HYCC1: variants seen among roughly 807,000 people sequenced by gnomAD.
The protein encoded by HYCC1 is hyccin.
At chr7:22,916,435 C>T in the HYCC1 span, among the ~76,000 whole-genome samples, 1 of 152,192 alleles carries the variant, frequency 6.6e-6, no homozygotes, top group South Asian at 2.1e-4. Flanking sequence ...GCTGCTCCCA[C>T]AATAGCTCTC....
the HYCC1 span, among the ~76,000 whole-genome samples, chr7:22,959,764 C>A: frequency 0.019 from 2,886 of 152,104 alleles, 87 homozygotes; most frequent in African/African-American, 0.065. Flanking sequence ...TACACAGAAT[C>A]TTGAAAGAAA....
chr7:23,008,933 C>G, the HYCC1 span, among the ~76,000 whole-genome samples: 1 of 151,890 alleles, frequency 6.6e-6, no homozygotes, highest in Non-Finnish European at 1.5e-5. Context: ...AATGCAAGCC[C>G]TTTCTAAGTA....
At chr7:22,996,959 T>C in the HYCC1 span, among the ~76,000 whole-genome samples, 1 of 152,212 alleles carries the variant, frequency 6.6e-6, no homozygotes, top group African/African-American at 2.4e-5. Flanking sequence ...AAAATACATG[T>C]TTCCTGCTGT....
chr7:22,983,916 T>C, the HYCC1 span: 6 of 1,273,662 alleles, frequency 4.7e-6, no homozygotes, highest in Non-Finnish European at 6.9e-6. Context: ...TCAATACTGT[T>C]AGCACAATAA....
chr7:22,912,173 A>G, the HYCC1 span, among the ~76,000 whole-genome samples: 29 of 152,364 alleles, frequency 1.9e-4, no homozygotes, highest in Non-Finnish European at 3.8e-4. Flanking sequence ...TCTCCAAAGC[A>G]TACAGCAAAT....
chr7:22,900,301 C>A, the HYCC1 span, among the ~76,000 whole-genome samples: 1 of 152,254 alleles, frequency 6.6e-6, no homozygotes, highest in African/African-American at 2.4e-5. Flanking sequence ...TTGGCAGGCA[C>A]TGACCGCTGT....
chr7:23,013,481 G>C, the HYCC1 span, among the ~76,000 whole-genome samples: 2 of 152,338 alleles, frequency 1.3e-5, no homozygotes, highest in Admixed American at 6.5e-5. Context: ...AGGAGGCAGA[G>C]GCCAGAGCAT....
the HYCC1 span, among the ~76,000 whole-genome samples, chr7:22,903,326 C>T: frequency 6.7e-6 from 1 of 150,094 alleles, no homozygotes; most frequent in African/African-American, 2.4e-5. Flanking sequence ...CTAAAATTGA[C>T]AAACTTCTTG....
the HYCC1 span, among the ~76,000 whole-genome samples, chr7:22,914,490 A>C: frequency 6.6e-6 from 1 of 151,848 alleles, no homozygotes; most frequent in Non-Finnish European, 1.5e-5. Flanking sequence ...CTGCAACACC[A>C]CTTGGCCCCG....
the HYCC1 span, chr7:22,978,556 A>G: frequency 3.2e-6 from 3 of 945,588 alleles, no homozygotes; most frequent in Non-Finnish European, 4.9e-6. Context: ...TATCTTTTTA[A>G]GTTCTTAAAA....
the HYCC1 span, among the ~76,000 whole-genome samples, chr7:22,904,341 G>C: frequency 6.6e-6 from 1 of 151,460 alleles, no homozygotes; most frequent in East Asian, 1.9e-4. Context: ...TGAGGCAGGA[G>C]AATGGCATGA....
chr7:22,988,995 T>G, the HYCC1 span, among the ~76,000 whole-genome samples: 1 of 152,030 alleles, frequency 6.6e-6, no homozygotes, highest in African/African-American at 2.4e-5. Flanking sequence ...GGGAAGGGAA[T>G]AAACAAACAG....
At chr7:22,965,463 T>A in the HYCC1 span, among the ~76,000 whole-genome samples, 1 of 149,018 alleles carries the variant, frequency 6.7e-6, no homozygotes, top group African/African-American at 2.5e-5. Flanking sequence ...GAAACTACCA[T>A]AAACAAAATG....
the HYCC1 span, among the ~76,000 whole-genome samples, chr7:22,926,772 A>C: frequency 3.3e-5 from 5 of 151,416 alleles, no homozygotes; most frequent in African/African-American, 1.2e-4. Flanking sequence ...TAGACAGATC[A>C]ACGAGACAGA....
the HYCC1 span, among the ~76,000 whole-genome samples, chr7:23,011,104 G>A: frequency 2.8e-3 from 431 of 152,156 alleles, 2 homozygotes; most frequent in African/African-American, 1.0e-2. Flanking sequence ...AAATCTCCCC[G>A]CCCTTGGCAT....
chr7:22,928,242 A>G, the HYCC1 span, among the ~76,000 whole-genome samples: 1 of 152,222 alleles, frequency 6.6e-6, no homozygotes, highest in Non-Finnish European at 1.5e-5. Flanking sequence ...CTGAATGGAC[A>G]AAAACTGGAA....
At chr7:22,998,746 C>A in the HYCC1 span, among the ~76,000 whole-genome samples, 5 of 152,136 alleles carry the variant, frequency 3.3e-5, no homozygotes, top group African/African-American at 1.2e-4. Flanking sequence ...GATTTCTTCC[C>A]TTTTCCAGTG....
At chr7:22,929,682 G>A in the HYCC1 span, among the ~76,000 whole-genome samples, 1 of 152,194 alleles carries the variant, frequency 6.6e-6, no homozygotes, top group African/African-American at 2.4e-5. Flanking sequence ...TCATTAAAAA[G>A]TCAGGAAACA....
At chr7:22,967,733 A>G in the HYCC1 span, among the ~76,000 whole-genome samples, 1 of 152,318 alleles carries the variant, frequency 6.6e-6, no homozygotes, top group East Asian at 1.9e-4. Context: ...GTTTGGAGTC[A>G]TATCTAGGAA....
Sources: allele counts gnomAD v4.1 joint callset (sites outside exome capture counted in the v4.1 genomes callset), GRCh38; gene constraint gnomAD v4.1.1; transcripts MANE v1.5; gene names NCBI Gene and HGNC (gene_info 2026-07-23, HGNC 2026-07-21).